HIPK2: variants seen among roughly 807,000 people sequenced by gnomAD.
HIPK2 encodes homeodomain-interacting protein kinase 2.
HIPK2 carries 27 observed loss-of-function variants against 113.7 expected under a neutral mutation model. That is an observed-to-expected ratio of 0.24 (90% CI 0.17 to 0.33). The LOEUF is 0.33. HIPK2 is among the 10% of genes least tolerant of loss of function. HIPK2 has a pLI of 1.00. For missense variants in HIPK2, 1,257 were observed against 1,588.0 expected (o/e 0.79, Z 3.54); for synonymous variants, 631 against 642.2 (o/e 0.98, Z 0.26).
rs1798159048 is a variant in HIPK2, at chr7:139,568,360, T to C, written c.*4567A>G. ...ACTGACCGCACGCTCCACTTCACAGTATTAACTGGCATCAAGCCTCGACTC... is the reference window on the plus strand; with the variant it reads ...ACTGACCGCACGCTCCACTTCACAGCATTAACTGGCATCAAGCCTCGACTC... On this transcript the variant is annotated 3_prime_UTR_variant, in exon 15 of 15. Transcript: ENST00000406875. 1 of 152,420 alleles carries C rather than the reference T, an allele frequency of 6.6e-6. No homozygotes were observed. The highest frequency in any genetic ancestry group is 1.5e-5 in the Non-Finnish European group (1 of 68,244). 9.4% of individuals were successfully genotyped at this position (152,420 alleles called of 1,614,324 possible).
rs1446280354 is a variant in HIPK2 at position 139,613,583 on chromosome 7, A to G, written c.1991-260T>C. Among the ~76,000 whole-genome samples, 2 of 152,254 alleles carry G rather than the reference A, an allele frequency of 1.3e-5. No homozygotes were observed. Among genetic ancestry groups the G allele is most frequent in the Admixed American group, 1.3e-4 (2 of 15,292 alleles). ...GAGGCTGTAAGGCCAAAAGTAGGAC[A>G]GATATGCTCGCAGATTACAACAGGA... On this transcript the variant is annotated intron_variant, in intron 8 of 14. Coordinates refer to ENST00000406875, the MANE Select transcript of HIPK2 (RefSeq NM_022740.5). The surrounding 1 kb of genome is among the most constrained non-coding windows in gnomAD (Gnocchi z 4.2).
chr7:139,704,120 C>CCACACACACAG (rs1794809119), intron 2 of HIPK2, among the ~76,000 whole-genome samples: 2 of 124,556 alleles, frequency 1.6e-5, no homozygotes, highest in Non-Finnish European at 3.3e-5. Flanking sequence ...CCAACACACA[C>CCACACACACAG]CACACACACA....
chr7:139,742,371 G>T (rs1942095940), intron 1 of HIPK2, among the ~76,000 whole-genome samples: 1 of 152,168 alleles, frequency 6.6e-6, no homozygotes, highest in South Asian at 2.1e-4. Context: ...AGAAATGCTG[G>T]GTTAAATCAA....
chr7:139,698,649 T>C (rs1430097171), intron 2 of HIPK2, among the ~76,000 whole-genome samples: 4 of 152,238 alleles, frequency 2.6e-5, no homozygotes, highest in Non-Finnish European at 5.9e-5. Flanking sequence ...ATGATTTTCA[T>C]TAACACTGAC....
At chr7:139,669,290 C>G (rs115717798) in intron 2 of HIPK2, among the ~76,000 whole-genome samples, 2 of 152,128 alleles carry the variant, frequency 1.3e-5, no homozygotes, top group African/African-American at 4.8e-5. Flanking sequence ...AAACAGAAGC[C>G]GTGCTCTCCC....
chr7:139,609,991 G>C (rs1453412804), intron 9 of HIPK2, among the ~76,000 whole-genome samples: 1 of 152,170 alleles, frequency 6.6e-6, no homozygotes, highest in African/African-American at 2.4e-5. Context: ...AAACACAGTA[G>C]CAATTAAAAT....
intron 1 of HIPK2, among the ~76,000 whole-genome samples, chr7:139,720,281 T>G (rs1795369995): frequency 6.6e-6 from 1 of 152,180 alleles, no homozygotes; most frequent in South Asian, 2.1e-4. Context: ...GCACTTACCA[T>G]ATGTACCATC....
intron 13 of HIPK2, among the ~76,000 whole-genome samples, chr7:139,577,770 C>G (rs1224758360): frequency 1.3e-5 from 2 of 152,110 alleles, no homozygotes; most frequent in African/African-American, 4.8e-5. Flanking sequence ...AGGGAATGAA[C>G]AAGAGCCTGG....
At chr7:139,679,696 T>G (rs1802629561) in intron 2 of HIPK2, among the ~76,000 whole-genome samples, 1 of 152,216 alleles carries the variant, frequency 6.6e-6, no homozygotes, top group Admixed American at 6.5e-5. Flanking sequence ...GTATTCCTAC[T>G]GAAGCTTGAA....
intron 9 of HIPK2, among the ~76,000 whole-genome samples, chr7:139,608,322 T>C (rs1332806316): frequency 7.1e-6 from 1 of 141,154 alleles, no homozygotes; most frequent in Non-Finnish European, 1.5e-5. Context: ...ATATATTATA[T>C]ATATAAAATA....
intron 1 of HIPK2, among the ~76,000 whole-genome samples, chr7:139,769,057 A>G (rs1796602834): frequency 6.6e-6 from 1 of 152,264 alleles, no homozygotes; most frequent in Admixed American, 6.5e-5. Context: ...GAGATTCTTT[A>G]GAAAAACAGA....
At chr7:139,579,720 G>C (rs1798606290) in intron 13 of HIPK2, among the ~76,000 whole-genome samples, 1 of 152,150 alleles carries the variant, frequency 6.6e-6, no homozygotes, top group Admixed American at 6.5e-5. Flanking sequence ...CCAAAACTCA[G>C]AGCCCCCTGC....
At chr7:139,774,479 C>T (rs1223887564) in intron 1 of HIPK2, among the ~76,000 whole-genome samples, 2 of 152,182 alleles carry the variant, frequency 1.3e-5, no homozygotes, top group Admixed American at 1.3e-4. Flanking sequence ...AAAACCTAAA[C>T]ACAGGAACAG....
chr7:139,700,887 T>C (rs1794687993), intron 2 of HIPK2, among the ~76,000 whole-genome samples: 1 of 152,218 alleles, frequency 6.6e-6, no homozygotes, highest in Non-Finnish European at 1.5e-5. Flanking sequence ...TCAAAATCAC[T>C]TGCAGAATAA....
At chr7:139,730,902 G>C (rs1014283573) in intron 1 of HIPK2, among the ~76,000 whole-genome samples, 9 of 152,184 alleles carry the variant, frequency 5.9e-5, no homozygotes, top group African/African-American at 2.2e-4. Flanking sequence ...GACAGAGGCA[G>C]AGACTGGAGC....
At chr7:139,693,499 TC>T (rs1242972417) in intron 2 of HIPK2, among the ~76,000 whole-genome samples, 1 of 152,170 alleles carries the variant, frequency 6.6e-6, no homozygotes, top group Non-Finnish European at 1.5e-5. Context: ...CTGGTTCAAA[TC>T]CCAGCAGCAC....
At chr7:139,776,611 A>T (rs562914145) in intron 1 of HIPK2, among the ~76,000 whole-genome samples, 50 of 130,724 alleles carry the variant, frequency 3.8e-4, no homozygotes, top group Non-Finnish European at 6.9e-4. Context: ...AACCGAAAGA[A>T]AGCCGGGGGA....
intron 1 of HIPK2, among the ~76,000 whole-genome samples, chr7:139,770,221 A>C (rs751382961): frequency 6.6e-6 from 1 of 152,256 alleles, no homozygotes; most frequent in Non-Finnish European, 1.5e-5. Context: ...AAATTTTAAA[A>C]GAACACATTT....
chr7:139,648,464 C>T (rs1045572186), intron 2 of HIPK2, among the ~76,000 whole-genome samples: 1 of 152,002 alleles, frequency 6.6e-6, no homozygotes, highest in Admixed American at 6.6e-5. Context: ...TGGAGGGAAA[C>T]GACGTTGCGG....
Sources: gnomAD v4.1 joint callset for allele counts (sites outside exome capture counted in the v4.1 genomes callset) on GRCh38, gnomAD v4.1.1 for gene constraint, Gnocchi (gnomAD v3.1) non-coding constraint, MANE v1.5 for transcripts, NCBI Gene and HGNC (gene_info 2026-07-23, HGNC 2026-07-21) for gene names.